The following DTNA variants were observed in gnomAD, a reference collection of about 807,000 sequenced individuals.
DTNA encodes dystrobrevin alpha, also known as dystrophin-related protein 3.
A neutral mutation model predicts 100.7 loss-of-function variants in DTNA; 43 were observed. That is an observed-to-expected ratio of 0.43 (90% CI 0.33 to 0.55). The LOEUF (loss-of-function observed/expected upper bound fraction) is 0.55, where lower values mean the gene tolerates loss of function less well. Among genes scored for constraint, DTNA ranks in the 20% least tolerant of loss-of-function variants. The pLI is 0.04. For synonymous variants in DTNA, 349 were observed against 347.9 expected (o/e 1.00, Z -0.04); for missense variants, 798 against 953.9 (o/e 0.84, Z 2.15).
intron 5 of DTNA, among the ~76,000 whole-genome samples, chr18:34,811,293 C>G (rs1056589764): frequency 6.6e-6 from 1 of 152,190 alleles, no homozygotes; most frequent in Non-Finnish European, 1.5e-5. Context: ...AGGACCCTGA[C>G]TTTACCTCAT....
At chr18:34,729,213 C>G (rs2147247553) in intron 1 of DTNA, among the ~76,000 whole-genome samples, 1 of 152,282 alleles carries the variant, frequency 6.6e-6, no homozygotes, top group East Asian at 1.9e-4. Context: ...TGTGCACTTT[C>G]AAATAAGGAA....
chr18:34,510,119 T>C (rs2040905267), intron 1 of DTNA, among the ~76,000 whole-genome samples: 2 of 151,232 alleles, frequency 1.3e-5, no homozygotes, highest in Admixed American at 1.3e-4. Context: ...GTTGTTTTTT[T>C]TTTTTTAAGT....
chr18:34,841,373 A>G (rs1007385501), intron 13 of DTNA, among the ~76,000 whole-genome samples: 5 of 152,100 alleles, frequency 3.3e-5, no homozygotes, highest in Non-Finnish European at 5.9e-5. Flanking sequence ...TGATTTTAGC[A>G]AATATTTTGA....
intron 1 of DTNA, among the ~76,000 whole-genome samples, chr18:34,522,624 C>A (rs147061860): frequency 6.6e-6 from 1 of 152,286 alleles, no homozygotes; most frequent in Non-Finnish European, 1.5e-5. Context: ...TGCAGCTCTG[C>A]CCTCTTTTTA....
At chr18:34,669,966 G>A (rs1335712825) in intron 1 of DTNA, among the ~76,000 whole-genome samples, 1 of 152,278 alleles carries the variant, frequency 6.6e-6, no homozygotes, top group East Asian at 1.9e-4. Context: ...GAATTTGAAT[G>A]TTGGCCTGCC....
chr18:34,644,873 T>A (rs1002575171), intron 1 of DTNA, among the ~76,000 whole-genome samples: 1 of 152,104 alleles, frequency 6.6e-6, no homozygotes, highest in Non-Finnish European at 1.5e-5. Context: ...AAACAGCTCA[T>A]CACATTCTTT....
intron 17 of DTNA, chr18:34,866,308 C>T (rs970061214): frequency 1.3e-6 from 2 of 1,487,196 alleles, no homozygotes; most frequent in Middle Eastern, 2.5e-4. Context: ...ATAAATTTAG[C>T]ATTTTTTATA....
chr18:34,733,258 C>T (rs978530346), intron 1 of DTNA, among the ~76,000 whole-genome samples: 1 of 152,170 alleles, frequency 6.6e-6, no homozygotes, highest in Admixed American at 6.5e-5. Flanking sequence ...TGGCTCAAGT[C>T]TGGAAATTGA....
intron 1 of DTNA, among the ~76,000 whole-genome samples, chr18:34,561,206 A>G (rs946952165): frequency 1.3e-5 from 2 of 152,162 alleles, no homozygotes; most frequent in Admixed American, 6.5e-5. Flanking sequence ...GACTGTGACA[A>G]CGGATTTTAG....
intron 1 of DTNA, among the ~76,000 whole-genome samples, chr18:34,644,025 G>A (rs1458301800): frequency 6.6e-6 from 1 of 151,908 alleles, no homozygotes; most frequent in Non-Finnish European, 1.5e-5. Context: ...CTCTTATCAT[G>A]GCCAATGTAA....
At chr18:34,816,625 A>C (rs1363083111) in intron 7 of DTNA, among the ~76,000 whole-genome samples, 2 of 152,210 alleles carry the variant, frequency 1.3e-5, no homozygotes, top group East Asian at 3.8e-4. Context: ...AAAATTAAAC[A>C]TGGAGCAGTT....
intron 1 of DTNA, among the ~76,000 whole-genome samples, chr18:34,547,795 T>G (rs892791481): frequency 2.0e-5 from 3 of 152,120 alleles, no homozygotes; most frequent in African/African-American, 7.2e-5. Context: ...TGGAATAGAT[T>G]GTTTAGGAGA....
intron 1 of DTNA, among the ~76,000 whole-genome samples, chr18:34,544,395 G>A (rs2044556330): frequency 6.6e-6 from 1 of 151,704 alleles, no homozygotes; most frequent in Non-Finnish European, 1.5e-5. Context: ...TGTTTCAAAG[G>A]GCACTATCCC....
chr18:34,633,217 A>G (rs534899685), intron 1 of DTNA, among the ~76,000 whole-genome samples: 16 of 152,184 alleles, frequency 1.1e-4, no homozygotes, highest in Non-Finnish European at 1.5e-4. Context: ...AACTCAGAAT[A>G]CAATGCTAGA....
rs1199695756 is a variant in DTNA at position 34,517,460 on chromosome 18, C to CGTGTGTGTGTGTGTGTGT, written c.-2+23957_-2+23974dup. 5.5e-3 allele frequency among the ~76,000 whole-genome samples: 816 copies of CGTGTGTGTGTGTGTGTGT among 148,978 alleles called. 8 individuals carry two copies. Among genetic ancestry groups the CGTGTGTGTGTGTGTGTGT allele is most frequent in the African/African-American group, 0.018 (707 of 40,358 alleles). On this transcript the variant is annotated intron_variant, in intron 1 of 19. Transcript: ENST00000283365. ...TCAGATTTAATAAGTTTTATATACA[C>CGTGTGTGTGTGTGTGTGT]GTGTGTGTGTGTGTGTGTGTGTGTG...
chr18:34,704,112 G>C lies in DTNA; in HGVS notation c.-1-51864G>C, dbSNP rs115205767. On this transcript the variant is annotated intron_variant, in intron 1 of 19. Transcript: ENST00000283365. ...CATAATGTCATCAATAATTAACTTTGTGTGTCTACAGGGTACATGACATCG... is the reference window on the plus strand; with the variant it reads ...CATAATGTCATCAATAATTAACTTTCTGTGTCTACAGGGTACATGACATCG... 6.3e-3 allele frequency among the ~76,000 whole-genome samples: 951 copies of C among 151,876 alleles called. 6 individuals are homozygous for C. The highest frequency in any genetic ancestry group is 0.02 in the African/African-American group (846 of 41,370).
chr18:34,706,470 G>A (rs1252318593), upstream of DTNA, among the ~76,000 whole-genome samples: 1 of 151,902 alleles, frequency 6.6e-6, no homozygotes, highest in Non-Finnish European at 1.5e-5. Flanking sequence ...AATACATTCA[G>A]AATATAAGTA....
Position 34,890,507 on chromosome 18 carries a change from C to G in DTNA, c.*2773C>G. The stretch of plus-strand genomic sequence containing the variant: ...CAACTACATCTTGCGGGGGTTGTTT[C>G]TTTCTTGTTCCACAATGAATTGCAC... On this transcript the variant is annotated 3_prime_UTR_variant, in exon 23 of 23. Transcript: ENST00000444659. 3 of 1,531,046 alleles carry G rather than the reference C, an allele frequency of 2.0e-6. No homozygotes were observed. Among genetic ancestry groups the G allele is most frequent in the Non-Finnish European group, 2.6e-6 (3 of 1,143,688 alleles). 94.8% of individuals were successfully genotyped at this position (1,531,046 alleles called of 1,614,324 possible).
intron 1 of DTNA, among the ~76,000 whole-genome samples, chr18:34,586,966 GT>G (rs56229514): frequency 3.0e-4 from 44 of 145,994 alleles, no homozygotes; most frequent in African/African-American, 4.8e-4. Flanking sequence ...AAAATCTTTA[GT>G]TTTTTTTTTT....
Sources: allele counts gnomAD v4.1 joint callset (sites outside exome capture counted in the v4.1 genomes callset), GRCh38; gene constraint gnomAD v4.1.1; transcripts MANE v1.5; gene names NCBI Gene and HGNC (gene_info 2026-07-23, HGNC 2026-07-21).